AFF3: variants seen among roughly 807,000 people sequenced by gnomAD.
The protein encoded by AFF3 is AF4/FMR2 family member 3.
AFF3 carries 32 observed loss-of-function variants against 129.7 expected under a neutral mutation model. That is an observed-to-expected ratio of 0.25 (90% CI 0.19 to 0.33). The LOEUF (loss-of-function observed/expected upper bound fraction) is 0.33, where lower values mean the gene tolerates loss of function less well. AFF3 is among the 10% of genes least tolerant of loss of function. AFF3 has a pLI of 1.00. For missense variants in AFF3, 1,373 were observed against 1,592.0 expected (o/e 0.86, Z 2.34); for synonymous variants, 644 against 635.4 (o/e 1.01, Z -0.20).
intron 2 of AFF3, among the ~76,000 whole-genome samples, chr2:100,110,667 G>A (rs1217525157): frequency 6.6e-6 from 1 of 152,204 alleles, no homozygotes; most frequent in Non-Finnish European, 1.5e-5. Context: ...TCAGAGTCCT[G>A]CTGGGGGTCC....
At chr2:99,978,498 C>A (rs1412586033) in intron 7 of AFF3, among the ~76,000 whole-genome samples, 1 of 152,138 alleles carries the variant, frequency 6.6e-6, no homozygotes, top group Non-Finnish European at 1.5e-5. Context: ...GCTGACATGA[C>A]AAATACAAAA....
chr2:99,549,970 C>T lies in AFF3; in HGVS notation c.*1504G>A, dbSNP rs1231270067. The T allele has an allele frequency of 8.9e-6, 2 of 225,562 alleles. No individual in the cohort carries two copies. The highest frequency in any genetic ancestry group is 4.5e-5 in the African/African-American group (2 of 44,822). 14.0% of individuals were successfully genotyped at this position (225,562 alleles called of 1,614,324 possible). A position where few individuals can be genotyped will look rare whatever the true frequency, so the allele number is the denominator to read the frequency against. On this transcript the variant is annotated 3_prime_UTR_variant, in exon 25 of 25. Coordinates refer to ENST00000672756, the MANE Select transcript of AFF3 (RefSeq NM_001386135.1). ...CTGCCTTTCTCAGACCGTCCTGGTG[C>T]AACTTTATCAAGTAAGAGGCCACAA...
At chr2:99,730,792 T>C (rs1011715735) in intron 10 of AFF3, among the ~76,000 whole-genome samples, 5 of 152,054 alleles carry the variant, frequency 3.3e-5, no homozygotes, top group African/African-American at 1.2e-4. Context: ...AGATTACAGG[T>C]GTGAGCCACC....
intron 15 of AFF3, among the ~76,000 whole-genome samples, chr2:99,589,396 CAT>C (rs1678436154): frequency 1.0e-5 from 1 of 98,372 alleles, no homozygotes; most frequent in African/African-American, 3.8e-5. Context: ...AAGATGTCAA[CAT>C]TTTTTTTTTT....
At chr2:99,757,310 C>G (rs764956543) in intron 8 of AFF3, among the ~76,000 whole-genome samples, 2 of 152,190 alleles carry the variant, frequency 1.3e-5, no homozygotes, top group Non-Finnish European at 1.5e-5. Flanking sequence ...ATGTTTAAAG[C>G]TAAACTTACA....
chr2:100,060,483 A>G (rs1490875917), intron 4 of AFF3, among the ~76,000 whole-genome samples: 1 of 152,130 alleles, frequency 6.6e-6, no homozygotes, highest in Non-Finnish European at 1.5e-5. Context: ...ACAATTTCTC[A>G]TCCCTTCTGA....
At chr2:99,984,693 C>T (rs781389798) in intron 7 of AFF3, among the ~76,000 whole-genome samples, 1 of 149,424 alleles carries the variant, frequency 6.7e-6, no homozygotes, top group South Asian at 2.1e-4. Context: ...ACCCCACCAA[C>T]CCCCCAACCC....
chr2:99,806,828 A>G (rs987475995), intron 8 of AFF3, among the ~76,000 whole-genome samples: 1 of 152,226 alleles, frequency 6.6e-6, no homozygotes, highest in Non-Finnish European at 1.5e-5. Context: ...GAATACTTAC[A>G]TGAATACCAC....
chr2:100,008,625 C>A (rs1483501487), intron 5 of AFF3, among the ~76,000 whole-genome samples, 187 bp downstream of exon 5: 1 of 152,198 alleles, frequency 6.6e-6, no homozygotes, highest in Non-Finnish European at 1.5e-5. Context: ...CCAGTAAAGC[C>A]ATGTGAACCA....
intron 8 of AFF3, among the ~76,000 whole-genome samples, chr2:99,788,851 G>C (rs942683654): frequency 2.0e-5 from 3 of 152,004 alleles, no homozygotes; most frequent in African/African-American, 7.3e-5. Flanking sequence ...CTTTTATGCT[G>C]TATTTTTACT....
intron 8 of AFF3, among the ~76,000 whole-genome samples, chr2:99,779,430 C>T (rs1684213349): frequency 6.6e-6 from 1 of 152,190 alleles, no homozygotes. Flanking sequence ...CATAATATTA[C>T]ATAGCAGTGT....
intron 12 of AFF3, among the ~76,000 whole-genome samples, chr2:99,661,881 T>TGG (rs1195869853): frequency 3.9e-5 from 6 of 152,214 alleles, no homozygotes; most frequent in African/African-American, 1.4e-4. Flanking sequence ...GGCTTATGCC[T>TGG]ATAATGCTAA....
chr2:99,690,620 G>A (rs146677757), intron 11 of AFF3, among the ~76,000 whole-genome samples: 3 of 152,246 alleles, frequency 2.0e-5, no homozygotes, highest in African/African-American at 2.4e-5. Context: ...GGCTTCGATC[G>A]GTTGTATGGG....
At chr2:99,731,354 CT>C (rs1679818646) in intron 10 of AFF3, among the ~76,000 whole-genome samples, 1 of 152,154 alleles carries the variant, frequency 6.6e-6, no homozygotes, top group African/African-American at 2.4e-5. Flanking sequence ...TCTCCCCTCC[CT>C]TATAATTTTT....
At chr2:99,667,800 T>C (rs1446190939) in intron 12 of AFF3, among the ~76,000 whole-genome samples, 1 of 152,128 alleles carries the variant, frequency 6.6e-6, no homozygotes. Context: ...ATACCCAGTA[T>C]GAAACAGATA....
At chr2:99,992,427 C>G (rs1680439100) in intron 7 of AFF3, among the ~76,000 whole-genome samples, 2 of 152,152 alleles carry the variant, frequency 1.3e-5, no homozygotes, top group African/African-American at 2.4e-5. Context: ...TATCCAAAGA[C>G]GTTTTCATAT....
chr2:99,796,080 C>T (rs112122933), intron 8 of AFF3, among the ~76,000 whole-genome samples: 1 of 152,242 alleles, frequency 6.6e-6, no homozygotes, highest in African/African-American at 2.4e-5. Flanking sequence ...CACCTAATCA[C>T]CCATTTATTC....
At chr2:99,833,815 C>T (rs1475297051) in intron 8 of AFF3, among the ~76,000 whole-genome samples, 1 of 152,150 alleles carries the variant, frequency 6.6e-6, no homozygotes, top group Non-Finnish European at 1.5e-5. Context: ...ATATGTCAGC[C>T]ATGAAGCCTT....
At chr2:99,715,331 G>T (rs1055978180) in intron 11 of AFF3, among the ~76,000 whole-genome samples, 18 of 152,172 alleles carry the variant, frequency 1.2e-4, no homozygotes, top group Non-Finnish European at 1.8e-4. Context: ...GTAAAGCTCT[G>T]ATCAGTATCA....
Sources: allele counts gnomAD v4.1 joint callset (sites outside exome capture counted in the v4.1 genomes callset), GRCh38; gene constraint gnomAD v4.1.1; transcripts MANE v1.5; gene names NCBI Gene and HGNC (gene_info 2026-07-23, HGNC 2026-07-21).